The following LHFPL6 variants were observed in gnomAD, a reference collection of about 807,000 sequenced individuals.
LHFPL6 encodes the protein LHFPL tetraspan subfamily member 6 protein.
LHFPL6 carries 9 observed loss-of-function variants against 20.6 expected under a neutral mutation model. The ratio of observed to expected loss-of-function variants is 0.44; its 90% CI spans 0.26 to 0.76. LHFPL6 has a LOEUF of 0.76. Among genes scored for constraint, LHFPL6 ranks in the 30% least tolerant of loss-of-function variants. LHFPL6 has a pLI of 0.20. For missense variants in LHFPL6, 218 were observed against 253.5 expected (o/e 0.86, Z 0.95); for synonymous variants, 105 against 98.7 (o/e 1.06, Z -0.38).
chr13:39,481,743 G>T (rs937293921), intron 2 of LHFPL6, among the ~76,000 whole-genome samples: 2 of 152,206 alleles, frequency 1.3e-5, no homozygotes, highest in Non-Finnish European at 2.9e-5. Flanking sequence ...ATCCGATCAT[G>T]CAAGGCCAGG....
At chr13:39,550,207 A>G (rs1028704506) in intron 2 of LHFPL6, among the ~76,000 whole-genome samples, 2 of 152,096 alleles carry the variant, frequency 1.3e-5, no homozygotes, top group African/African-American at 2.4e-5. Context: ...GGCTTTCTGG[A>G]AAAGGGAAAA....
intron 3 of LHFPL6, among the ~76,000 whole-genome samples, chr13:39,354,322 T>C (rs150899516): frequency 8.5e-4 from 130 of 152,236 alleles, no homozygotes; most frequent in South Asian, 3.1e-3. Flanking sequence ...GCCAATTGAC[T>C]GTACATGACA....
At chr13:39,518,536 T>C (rs931574009) in intron 2 of LHFPL6, among the ~76,000 whole-genome samples, 2 of 152,218 alleles carry the variant, frequency 1.3e-5, no homozygotes, top group African/African-American at 4.8e-5. Context: ...TAATGTATAT[T>C]TTTTCTTTGT....
chr13:39,538,100 C>T (rs1378017912), intron 2 of LHFPL6, among the ~76,000 whole-genome samples: 5 of 151,194 alleles, frequency 3.3e-5, no homozygotes, highest in African/African-American at 4.9e-5. Flanking sequence ...AAGCGATTCT[C>T]CTGCCTCAGC....
At chr13:39,599,805 A>G (rs978447028) in intron 2 of LHFPL6, among the ~76,000 whole-genome samples, 2 of 152,234 alleles carry the variant, frequency 1.3e-5, no homozygotes, top group Non-Finnish European at 2.9e-5. Context: ...ACAACTACTC[A>G]TTTTTAATTC....
intron 2 of LHFPL6, among the ~76,000 whole-genome samples, chr13:39,512,446 C>T (rs996019582): frequency 6.6e-6 from 1 of 151,760 alleles, no homozygotes; most frequent in African/African-American, 2.4e-5. Context: ...ACTAAAAATA[C>T]AAAAAATTAG....
At chr13:39,347,544 G>A (rs572893753) in intron 3 of LHFPL6, among the ~76,000 whole-genome samples, 16 of 152,154 alleles carry the variant, frequency 1.1e-4, no homozygotes, top group African/African-American at 2.6e-4. Flanking sequence ...TAAATTTAAC[G>A]GGGTAACAGA....
chr13:39,457,000 A>G (rs1182982387), intron 2 of LHFPL6, among the ~76,000 whole-genome samples: 1 of 152,080 alleles, frequency 6.6e-6, no homozygotes, highest in Non-Finnish European at 1.5e-5. Flanking sequence ...GGGTTTCACT[A>G]TGCTGGCCAG....
intron 2 of LHFPL6, among the ~76,000 whole-genome samples, chr13:39,550,766 A>G (rs1871126675): frequency 6.6e-6 from 1 of 152,156 alleles, no homozygotes; most frequent in Non-Finnish European, 1.5e-5. Flanking sequence ...TAAGTTAACA[A>G]TGGGCTTTAC....
At chr13:39,427,453 T>C (rs967657555) in intron 2 of LHFPL6, among the ~76,000 whole-genome samples, 2 of 152,244 alleles carry the variant, frequency 1.3e-5, no homozygotes, top group Non-Finnish European at 2.9e-5. Flanking sequence ...TTCCCATCTA[T>C]TCCTAGTTTG....
chr13:39,553,794 T>G (rs747314012), intron 2 of LHFPL6, among the ~76,000 whole-genome samples: 1 of 152,202 alleles, frequency 6.6e-6, no homozygotes, highest in African/African-American at 2.4e-5. Context: ...TTACCTAGCC[T>G]GCTGGATGAA....
chr13:39,511,733 A>T (rs1231001856), intron 2 of LHFPL6, among the ~76,000 whole-genome samples: 1 of 152,236 alleles, frequency 6.6e-6, no homozygotes, highest in Non-Finnish European at 1.5e-5. Flanking sequence ...CTCGATCAAG[A>T]ATTAGCCTGA....
Position 39,343,879 on chromosome 13 carries a change from A to T in LHFPL6, c.*57T>A. 2 of 1,308,064 alleles carry T rather than the reference A, an allele frequency of 1.5e-6. No homozygotes were observed. The highest frequency in any genetic ancestry group is 2.2e-6 in the Non-Finnish European group (2 of 914,082). The allele number at this position is 1,308,064 out of a possible 1,614,324, so 81.0% of individuals were successfully genotyped here. A position where few individuals can be genotyped will look rare whatever the true frequency, so the allele number is the denominator to read the frequency against. On this transcript the variant is annotated 3_prime_UTR_variant, in exon 4 of 4. Transcript: ENST00000379589. ...CTTTTGAAGGTAGGTGGATGTTTTGACCTCTCCAAGCCCCTTTGGCCCATC... is the reference window on the plus strand; with the variant it reads ...CTTTTGAAGGTAGGTGGATGTTTTGTCCTCTCCAAGCCCCTTTGGCCCATC...
At chr13:39,570,505 G>A (rs1428213806) in intron 2 of LHFPL6, among the ~76,000 whole-genome samples, 1 of 151,486 alleles carries the variant, frequency 6.6e-6, no homozygotes, top group Non-Finnish European at 1.5e-5. Context: ...AAAAGAGGAT[G>A]TGGGAGTAAA....
At position 39,375,414 on chromosome 13, in the gene LHFPL6, G is replaced by A. The variant is rs1022890599; in HGVS notation, c.484+3014C>T. Among the ~76,000 whole-genome samples the A allele has an allele frequency of 1.8e-4, 27 of 152,260 alleles. 1 individual carries two copies. Among genetic ancestry groups the A allele is most frequent in the African/African-American group, 6.5e-4 (27 of 41,538 alleles). On this transcript the variant is annotated intron_variant, in intron 3 of 3. Coordinates refer to ENST00000379589, the MANE Select transcript of LHFPL6 (RefSeq NM_005780.3). ...ATAGAGAGTGAACAGGGATGGGCCAGGCAGGGTGGCTCATGCCCATAATCC... is the reference window on the plus strand; with the variant it reads ...ATAGAGAGTGAACAGGGATGGGCCAAGCAGGGTGGCTCATGCCCATAATCC...
intron 2 of LHFPL6, among the ~76,000 whole-genome samples, chr13:39,487,958 T>C (rs1037270650): frequency 2.0e-5 from 3 of 152,226 alleles, no homozygotes; most frequent in Non-Finnish European, 2.9e-5. Context: ...AACAAGAAAG[T>C]TAATTTTAAA....
chr13:39,446,563 C>T (rs922282264), intron 2 of LHFPL6, among the ~76,000 whole-genome samples: 2 of 151,902 alleles, frequency 1.3e-5, no homozygotes, highest in Admixed American at 6.6e-5. Flanking sequence ...AAGATCGTGT[C>T]CCAACTGTGT....
Position 39,398,799 on chromosome 13 carries a change from G to A in LHFPL6, c.386-20273C>T, listed in dbSNP as rs538460584. Among the ~76,000 whole-genome samples, 17 of 152,300 alleles carry A rather than the reference G, an allele frequency of 1.1e-4. No homozygotes were observed. In the East Asian group the frequency reaches 3.3e-3, roughly 29 times the overall value. On this transcript the variant is annotated intron_variant, in intron 2 of 3. Transcript: ENST00000379589. ...ACAGTGGCATTAGATTCTCATAGAA[G>A]CACAAACCCTATTGTGAACTGTGCA...
chr13:39,511,410 C>T (rs1869700283), intron 2 of LHFPL6, among the ~76,000 whole-genome samples: 2 of 150,830 alleles, frequency 1.3e-5, no homozygotes, highest in Non-Finnish European at 2.9e-5. Context: ...TGGCTGACAT[C>T]AGTAATCAAT....
Sources: allele counts gnomAD v4.1 joint callset (sites outside exome capture counted in the v4.1 genomes callset), GRCh38; gene constraint gnomAD v4.1.1; transcripts MANE v1.5; gene names NCBI Gene and HGNC (gene_info 2026-07-23, HGNC 2026-07-21).